SPIRE2: variants seen among roughly 807,000 people sequenced by gnomAD.
The protein encoded by SPIRE2 is spire type actin nucleation factor 2.
In SPIRE2, 76 loss-of-function variants were observed where a neutral mutation model predicts 80.7. The ratio of observed to expected loss-of-function variants is 0.94; its 90% CI spans 0.78 to 1.14. SPIRE2 has a LOEUF of 1.14. Ranked by LOEUF, SPIRE2 falls within the 50% of genes most tolerant of loss-of-function variation. The probability of loss-of-function intolerance (pLI) is 0.00; values close to 1 mark genes in which losing one functional copy is unlikely to be tolerated. For missense variants in SPIRE2, 1,196 were observed against 1,015.3 expected, an observed-to-expected ratio of 1.18 and a Z score of -2.42; for synonymous variants, 535 against 432.6, an observed-to-expected ratio of 1.24 and a Z score of -2.94.
intron 7 of SPIRE2, among the ~76,000 whole-genome samples, chr16:89,856,631 T>C (rs1473340917): frequency 2.5e-5 from 3 of 119,458 alleles, no homozygotes; most frequent in African/African-American, 6.6e-5. Context: ...TTTTTTTTTT[T>C]GTAGTTTTAG....
chr16:89,847,732 G>A (rs528666734), intron 2 of SPIRE2, among the ~76,000 whole-genome samples: 1 of 152,228 alleles, frequency 6.6e-6, no homozygotes, highest in Non-Finnish European at 1.5e-5. Flanking sequence ...GTGGGCGGGT[G>A]GAGGTGGGAG....
At position 89,828,838 on chromosome 16, in the gene SPIRE2, G is replaced by A. The variant is rs1046266118; in HGVS notation, c.244+44G>A. The A allele has an allele frequency of 1.5e-4, 177 of 1,169,320 alleles. No individual in the cohort carries two copies. Among genetic ancestry groups the A allele is most frequent in the Middle Eastern group, 3.5e-4 (1 of 2,874 alleles). 72.4% of individuals were successfully genotyped at this position (1,169,320 alleles called of 1,614,324 possible). A position where few individuals can be genotyped will look rare whatever the true frequency, so the allele number is the denominator to read the frequency against. On this transcript the variant is annotated intron_variant, in intron 1 of 14. Transcript: ENST00000378247. This position sits in a 1 kb window ranked among gnomAD's most constrained non-coding sequence, Gnocchi z 5.9. Reference sequence around the variant, plus strand: ...CAGCCGGCGGGGACCGCGGTCTGGGGCGTCCGTCCCGCCCCCTGGGTGGGG... The same window carrying A: ...CAGCCGGCGGGGACCGCGGTCTGGGACGTCCGTCCCGCCCCCTGGGTGGGG...
chr16:89,846,460 A>T (rs576072067), intron 2 of SPIRE2: 2 of 152,046 alleles, frequency 1.3e-5, no homozygotes, highest in South Asian at 4.2e-4. Context: ...CTCCTGCCTC[A>T]GCCTCCCGAG....
chr16:89,858,556 G>C lies in SPIRE2; in HGVS notation c.1272+49G>C, dbSNP rs764613957. 4.4e-5 allele frequency: 65 copies of C among 1,489,596 alleles called. 1 individual carries two copies. The highest frequency in any genetic ancestry group is 4.5e-6 in the Non-Finnish European group (5 of 1,119,192). The allele number at this position is 1,489,596 out of a possible 1,614,324, so 92.3% of individuals were successfully genotyped here. On this transcript the variant is annotated intron_variant, in intron 8 of 14. Transcript: ENST00000378247. ...AAAAGAGACCAGGAATGGGAGGATG[G>C]GGGCCAAGGAAGTGAGAAGGGCTAA...
chr16:89,828,769 C>T lies in SPIRE2; in HGVS notation c.219C>T (p.Val73=). 8.4e-7 allele frequency: 1 copy of T among 1,187,720 alleles called. No individual in the cohort carries two copies. The highest frequency in any genetic ancestry group is 1.0e-6 in the Non-Finnish European group (1 of 959,874). The allele number at this position is 1,187,720 out of a possible 1,614,324, so 73.6% of individuals were successfully genotyped here. Residue 73 remains valine (V), a synonymous_variant, in exon 1 of 15, where the codon GTC becomes GTT. Coordinates refer to ENST00000378247, the MANE Select transcript of SPIRE2 (RefSeq NM_032451.2). The surrounding 1 kb of genome is among the most constrained non-coding windows in gnomAD (Gnocchi z 5.9). ...TCCTGCTGCGCGGGGACGGCTCGGT[C>T]GGGGCGCGGGAGCCCGAGGCCGCGG... The part of the protein sequence containing the change: ...GDLLLRGDGS[V]GAREPEAAEP...
At chr16:89,849,090 C>T (rs1470074933) in intron 2 of SPIRE2, among the ~76,000 whole-genome samples, 1 of 152,268 alleles carries the variant, frequency 6.6e-6, no homozygotes, top group African/African-American at 2.4e-5. Flanking sequence ...TTCTGCCCGG[C>T]TCAGGATCAG....
intron 1 of SPIRE2, among the ~76,000 whole-genome samples, chr16:89,841,390 G>T (rs766412999): frequency 7.9e-5 from 12 of 152,148 alleles, no homozygotes; most frequent in African/African-American, 2.4e-4. Context: ...ACCCTGGAGA[G>T]AATTTTTTAG....
chr16:89,868,051 A>C, intron 12 of SPIRE2, 138 bp from the exon 13 acceptor site: 1 of 903,758 alleles, frequency 1.1e-6, no homozygotes, highest in South Asian at 1.4e-5. Flanking sequence ...AGTAAAATAA[A>C]GTACTGAAGT....
intron 1 of SPIRE2, among the ~76,000 whole-genome samples, chr16:89,838,637 A>G (rs2041474211): frequency 6.6e-6 from 1 of 152,078 alleles, no homozygotes; most frequent in African/African-American, 2.4e-5. Context: ...GAATTCTAAG[A>G]CTGACTTGGG....
chr16:89,857,881 CTTTT>C (rs774655599), intron 7 of SPIRE2, among the ~76,000 whole-genome samples: 2 of 107,214 alleles, frequency 1.9e-5, no homozygotes, highest in African/African-American at 3.7e-5. Flanking sequence ...AGTTCTTCTT[CTTTT>C]TTTTTTTTTT....
At chr16:89,831,465 T>C in intron 1 of SPIRE2, among the ~76,000 whole-genome samples, 1 of 148,982 alleles carries the variant, frequency 6.7e-6, no homozygotes, top group Non-Finnish European at 1.5e-5. Flanking sequence ...TGGCGCGTTC[T>C]CGGCTCACTG....
At chr16:89,834,831 G>A (rs536498130) in intron 1 of SPIRE2, among the ~76,000 whole-genome samples, 6 of 140,936 alleles carry the variant, frequency 4.3e-5, no homozygotes, top group African/African-American at 8.0e-5. Flanking sequence ...GTTGGCCGTC[G>A]TAGAAGGCCC....
Position 89,845,228 on chromosome 16 carries a change from G to A in SPIRE2, c.245-94G>A. 3 of 1,103,826 alleles carry A rather than the reference G, an allele frequency of 2.7e-6. No individual in the cohort carries two copies. The South Asian group carries it at 3.7e-5, about 14-fold the overall frequency. The allele number at this position is 1,103,826 out of a possible 1,614,324, so 68.4% of individuals were successfully genotyped here. On this transcript the variant is annotated intron_variant, in intron 1 of 14. Coordinates refer to ENST00000378247, the MANE Select transcript of SPIRE2 (RefSeq NM_032451.2). ...GTGTTCCGGCGGAGAGTGGGGCTGT[G>A]GTGTGTGTCCCCGAGGGGGAGGTGG...
intron 1 of SPIRE2, among the ~76,000 whole-genome samples, chr16:89,842,588 T>A (rs1435622888): frequency 6.6e-6 from 1 of 152,222 alleles, no homozygotes; most frequent in African/African-American, 2.4e-5. Flanking sequence ...ACATTAAAAT[T>A]ATTCCAACCA....
chr16:89,859,487 A>G (rs2041723191), intron 9 of SPIRE2, 133 bp downstream of exon 9: 1 of 428,734 alleles, frequency 2.3e-6, no homozygotes, highest in Non-Finnish European at 4.0e-6. Context: ...TCGTGCCTGC[A>G]AGACGGCACC....
At chr16:89,834,474 A>G (rs1402687696) in intron 1 of SPIRE2, among the ~76,000 whole-genome samples, 3 of 109,812 alleles carry the variant, frequency 2.7e-5, no homozygotes, top group Non-Finnish European at 5.8e-5. Flanking sequence ...GAATCTGTGA[A>G]CCTGCCCGCA....
intron 1 of SPIRE2, among the ~76,000 whole-genome samples, chr16:89,844,224 GA>G: frequency 6.6e-6 from 1 of 151,894 alleles, no homozygotes; most frequent in South Asian, 2.1e-4. Context: ...GCAGTGGCAT[GA>G]TCTTGGGTCA....
intron 12 of SPIRE2, among the ~76,000 whole-genome samples, chr16:89,865,965 CAAAAAAAAA>C (rs376787173): frequency 3.5e-5 from 2 of 57,516 alleles, no homozygotes. Flanking sequence ...GAGACTGTCT[CAAAAAAAAA>C]AAAAAAAAAA....
rs2041806744 is a variant in SPIRE2 at position 89,868,212 on chromosome 16, T to G, written c.1802T>G (p.Ile601Arg). Residue 601 changes from isoleucine to arginine, a missense_variant, in exon 13 of 15, where the codon ATA (isoleucine) becomes AGA (arginine). By Grantham distance (97) the Ile-to-Arg change is moderately conservative. Transcript: ENST00000378247. ...AGAGCCGTCTGCACTTCCTGTAGCA[T>G]AAAGGTGAGGACCATGTGGGATCTC... ...CKRAVCTSCSIKMKMPSKKFG... is the reference protein window; with the variant it reads ...CKRAVCTSCSRKMKMPSKKFG... The G allele has an allele frequency of 1.2e-5, 20 of 1,613,900 alleles. No individual in the cohort carries two copies. The highest frequency in any genetic ancestry group is 1.7e-5 in the Non-Finnish European group (20 of 1,179,962).
Sources: gnomAD v4.1 joint callset for allele counts (sites outside exome capture counted in the v4.1 genomes callset) on GRCh38, gnomAD v4.1.1 for gene constraint, Gnocchi (gnomAD v3.1) non-coding constraint, MANE v1.5 for transcripts, NCBI Gene and HGNC (gene_info 2026-07-23, HGNC 2026-07-21) for gene names.